SH3RF1: variants seen among roughly 807,000 people sequenced by gnomAD.
SH3RF1 encodes the protein E3 ubiquitin-protein ligase SH3RF1.
SH3RF1 carries 32 observed loss-of-function variants against 74.0 expected under a neutral mutation model. The observed-to-expected ratio is 0.43, with a 90% confidence interval of 0.33 to 0.58. SH3RF1 has a LOEUF of 0.58. Ranked by LOEUF, SH3RF1 falls within the 20% of genes least tolerant of loss-of-function variation. SH3RF1 has a pLI of 0.05. For synonymous variants in SH3RF1, 396 were observed against 439.6 expected (o/e 0.90, Z 1.24); for missense variants, 954 against 1,130.9 (o/e 0.84, Z 2.24).
At chr4:169,102,780 G>C (rs777285159) in intron 11 of SH3RF1, among the ~76,000 whole-genome samples, 12 of 151,922 alleles carry the variant, frequency 7.9e-5, no homozygotes, top group Non-Finnish European at 1.3e-4. Flanking sequence ...TTGTTCCTAA[G>C]AGAATTCTCT....
intron 2 of SH3RF1, among the ~76,000 whole-genome samples, chr4:169,161,573 T>C (rs2126967840): frequency 6.6e-6 from 1 of 152,348 alleles, no homozygotes; most frequent in African/African-American, 2.4e-5. Flanking sequence ...TAAATGCCAA[T>C]GCCCAGATGT....
At chr4:169,249,033 C>G (rs1731055130) in intron 2 of SH3RF1, among the ~76,000 whole-genome samples, 1 of 151,856 alleles carries the variant, frequency 6.6e-6, no homozygotes, top group Admixed American at 6.6e-5. Context: ...CGAGACCATT[C>G]TGGCTAACTC....
chr4:169,117,678 T>C lies in SH3RF1; in HGVS notation c.1622A>G (p.Gln541Arg). Reference protein sequence around the residue: ...VSPSTAGGPAQKLQGNGVAGS... With the variant: ...VSPSTAGGPARKLQGNGVAGS... ...AGCCACGCCATTTCCCTGGAGCTTC[T>C]GGGCAGGCCCTCCTGCCGTGGAAGG... The change falls in exon 9 of 12, where the codon CAG becomes CGG. Residue 541 changes from glutamine (Q) to arginine (R), a missense_variant. Gln to Arg is a conservative substitution (Grantham distance 43, BLOSUM62 1). Around this residue, in one of 3 missense-constraint regions of SH3RF1, gnomAD observed 854 missense variants for 962.5 expected, o/e 0.89. Transcript: ENST00000284637. The C allele has an allele frequency of 6.2e-7, 1 of 1,614,186 alleles. No homozygotes were observed. The highest frequency in any genetic ancestry group is 8.5e-7 in the Non-Finnish European group (1 of 1,180,036).
At chr4:169,192,043 C>T (rs1734722542) in intron 2 of SH3RF1, among the ~76,000 whole-genome samples, 2 of 151,952 alleles carry the variant, frequency 1.3e-5, no homozygotes, top group Admixed American at 1.3e-4. Context: ...GATTAAATAG[C>T]TGGGACTTAA....
At position 169,107,204 on chromosome 4, in the gene SH3RF1, T is replaced by C; in HGVS notation, c.2141A>G (p.Lys714Arg). 6.5e-7 allele frequency: 1 copy of C among 1,531,756 alleles called. No homozygotes were observed. 94.9% of individuals were successfully genotyped at this position (1,531,756 alleles called of 1,614,324 possible). Residue 714 changes from lysine (K) to arginine (R), a missense_variant and splice_region_variant, in exon 11 of 12, where the codon AAA becomes AGA. Coordinates refer to ENST00000284637, the MANE Select transcript of SH3RF1 (RefSeq NM_020870.4). ...SATKPDKDSK[K>R]EKKGLLKLLS... ...CAACTTCAACAAACCCTTTTTTTCTTTCTGGAAAAAAAAAATAATGAGCCT... is the reference window on the plus strand; with the variant it reads ...CAACTTCAACAAACCCTTTTTTTCTCTCTGGAAAAAAAAAATAATGAGCCT...
chr4:169,255,614 TACACACATACACACACACAC>T (rs1478204103), intron 2 of SH3RF1, among the ~76,000 whole-genome samples: 5 of 59,078 alleles, frequency 8.5e-5, no homozygotes, highest in Non-Finnish European at 1.9e-4. Flanking sequence ...CACACATACA[TACACACATACACACACACAC>T]ACACACACAC....
chr4:169,266,789 G>A (rs1195649035), intron 2 of SH3RF1, among the ~76,000 whole-genome samples: 1 of 152,074 alleles, frequency 6.6e-6, no homozygotes, highest in African/African-American at 2.4e-5. Flanking sequence ...TACCTGGCTC[G>A]AAAAACTATT....
chr4:169,104,105 G>T (rs1561024333), intron 11 of SH3RF1, among the ~76,000 whole-genome samples: 1 of 152,178 alleles, frequency 6.6e-6, no homozygotes, highest in South Asian at 2.1e-4. Flanking sequence ...TGCAGAAGCC[G>T]TAGAGACTGA....
intron 2 of SH3RF1, among the ~76,000 whole-genome samples, chr4:169,171,939 A>G (rs768066283): frequency 1.5e-4 from 23 of 152,248 alleles, no homozygotes; most frequent in Non-Finnish European, 2.8e-4. Context: ...GCAGTGAATC[A>G]TGTTTATATA....
At chr4:169,219,523 A>T in intron 2 of SH3RF1, among the ~76,000 whole-genome samples, 1 of 152,274 alleles carries the variant, frequency 6.6e-6, no homozygotes, top group East Asian at 1.9e-4. Context: ...TACAAAAAAA[A>T]CCAAAAACCC....
intron 2 of SH3RF1, among the ~76,000 whole-genome samples, chr4:169,216,085 T>G (rs1730457576): frequency 6.6e-6 from 1 of 152,192 alleles, no homozygotes; most frequent in Non-Finnish European, 1.5e-5. Context: ...ATTATAGGCA[T>G]GAGCCACCAT....
intron 2 of SH3RF1, among the ~76,000 whole-genome samples, chr4:169,213,155 A>G (rs968540016): frequency 1.3e-5 from 2 of 152,362 alleles, no homozygotes; most frequent in Non-Finnish European, 2.9e-5. Context: ...TCCACCTGCA[A>G]TGAATGAGAA....
intron 2 of SH3RF1, among the ~76,000 whole-genome samples, chr4:169,255,767 C>CT (rs945004380): frequency 1.4e-4 from 20 of 146,556 alleles, no homozygotes; most frequent in Admixed American, 2.1e-4. Flanking sequence ...CCTAACATTA[C>CT]TTTTTTTTTT....
At chr4:169,120,395 C>T (rs1489102493) in intron 8 of SH3RF1, among the ~76,000 whole-genome samples, 1 of 152,208 alleles carries the variant, frequency 6.6e-6, no homozygotes, top group Non-Finnish European at 1.5e-5. Context: ...CTCAATGTAA[C>T]AGCAACTAAG....
At chr4:169,196,838 T>C (rs1046469517) in intron 2 of SH3RF1, among the ~76,000 whole-genome samples, 2 of 152,194 alleles carry the variant, frequency 1.3e-5, no homozygotes, top group African/African-American at 2.4e-5. Flanking sequence ...TTAAACCCTA[T>C]AACTTAATCT....
chr4:169,217,450 G>A (rs966060668), intron 2 of SH3RF1: 2 of 152,326 alleles, frequency 1.3e-5, no homozygotes, highest in Non-Finnish European at 1.5e-5. Flanking sequence ...AGGAAATCAA[G>A]GCAGGTAACG....
intron 10 of SH3RF1, among the ~76,000 whole-genome samples, chr4:169,113,119 T>C (rs146466853): frequency 1.3e-4 from 20 of 151,748 alleles, no homozygotes; most frequent in South Asian, 6.3e-4. Context: ...TTCTTTTTTT[T>C]TTCCCCCCTG....
intron 4 of SH3RF1, among the ~76,000 whole-genome samples, chr4:169,154,449 C>T (rs1226058667): frequency 6.6e-6 from 1 of 152,136 alleles, no homozygotes; most frequent in Non-Finnish European, 1.5e-5. Flanking sequence ...GATAAAAAGA[C>T]TGCAAAATAA....
chr4:169,112,300 C>T (rs1341420870), intron 10 of SH3RF1, among the ~76,000 whole-genome samples: 2 of 152,142 alleles, frequency 1.3e-5, no homozygotes, highest in African/African-American at 4.8e-5. Flanking sequence ...GTTGAGCAAA[C>T]TGCAACTTTG....
Sources: gnomAD v4.1 joint callset for allele counts (sites outside exome capture counted in the v4.1 genomes callset) on GRCh38, gnomAD v4.1.1 for gene constraint, gnomAD v4.1.1 regional missense constraint, MANE v1.5 for transcripts, NCBI Gene and HGNC (gene_info 2026-07-23, HGNC 2026-07-21) for gene names.